TMPRSS15: variants seen among roughly 807,000 people sequenced by gnomAD.
The protein encoded by TMPRSS15 is enteropeptidase.
Under a neutral mutation model 125.3 loss-of-function variants are expected in TMPRSS15, and 128 were observed. The observed-to-expected ratio is 1.02, with a 90% CI of 0.89 to 1.18. The LOEUF (loss-of-function observed/expected upper bound fraction) is 1.18. TMPRSS15 is among the 50% of genes most tolerant of loss of function. The probability of loss-of-function intolerance (pLI) is 0.00; values close to 1 mark genes in which losing one functional copy is unlikely to be tolerated. For synonymous variants in TMPRSS15, 446 were observed against 423.2 expected (o/e 1.05, Z -0.66); for missense variants, 1,283 against 1,212.7 (o/e 1.06, Z -0.86).
chr21:18,408,788 C>T (rs1032889513), intron 1 of TMPRSS15, among the ~76,000 whole-genome samples: 1 of 152,054 alleles, frequency 6.6e-6, no homozygotes, highest in African/African-American at 2.4e-5. Context: ...TTAAGTACTG[C>T]AATCTAAGAG....
chr21:18,313,347 C>CTATA (rs1244391395), intron 17 of TMPRSS15, among the ~76,000 whole-genome samples: 16 of 138,340 alleles, frequency 1.2e-4, no homozygotes, highest in Admixed American at 3.0e-4. Flanking sequence ...CTCTCTCTCT[C>CTATA]TCTATATATA....
chr21:18,343,944 C>G lies in TMPRSS15; in HGVS notation c.1277+11G>C. ...AAAAAGACAGCGTTTAAACAGGTGT[C>G]TACAACATACCAGAAACTAAGGCAA... On this transcript the variant is annotated intron_variant, in intron 11 of 24. Transcript: ENST00000284885. 6.2e-7 allele frequency: 1 copy of G among 1,612,096 alleles called. No individual in the cohort carries two copies. The highest frequency in any genetic ancestry group is 1.1e-5 in the South Asian group (1 of 91,032).
chr21:18,400,301 C>A (rs1349389815), intron 1 of TMPRSS15, among the ~76,000 whole-genome samples: 1 of 152,096 alleles, frequency 6.6e-6, no homozygotes, highest in African/African-American at 2.4e-5. Flanking sequence ...AAGTCAGAGG[C>A]ATCACATTAC....
chr21:18,299,335 TAAG>T (rs1407900729), intron 18 of TMPRSS15, among the ~76,000 whole-genome samples: 2 of 152,230 alleles, frequency 1.3e-5, no homozygotes, highest in Non-Finnish European at 2.9e-5. Flanking sequence ...CACTTGTATT[TAAG>T]GACTCACACA....
chr21:18,305,195 T>TTTTTTC (rs2146920988), intron 18 of TMPRSS15, among the ~76,000 whole-genome samples: 1 of 139,452 alleles, frequency 7.2e-6, no homozygotes, highest in African/African-American at 2.7e-5. Flanking sequence ...TTTTTTTTTT[T>TTTTTTC]TTTTTTTTTT....
intron 1 of TMPRSS15, among the ~76,000 whole-genome samples, chr21:18,432,382 T>C (rs1237398727): frequency 6.6e-6 from 1 of 152,168 alleles, no homozygotes; most frequent in East Asian, 1.9e-4. Context: ...AGGGTTGAAT[T>C]GTGCCTTGCC....
Position 18,332,075 on chromosome 21 carries a change from A to G in TMPRSS15, c.1654+9T>C, listed in dbSNP as rs759818398. 7.5e-6 allele frequency: 12 copies of G among 1,610,612 alleles called. No individual in the cohort carries two copies. Among genetic ancestry groups the G allele is most frequent in the Non-Finnish European group, 8.5e-6 (10 of 1,176,840 alleles). Reference sequence around the variant, plus strand: ...TTGTTTCTGATGACCTGGAAAAGAAATGACTCACAGAAAGCCAGATTAGGG... The same window carrying G: ...TTGTTTCTGATGACCTGGAAAAGAAGTGACTCACAGAAAGCCAGATTAGGG... On this transcript the variant is annotated intron_variant, in intron 14 of 24. Transcript: ENST00000284885.
At chr21:18,395,100 A>G (rs1002082686) in intron 3 of TMPRSS15, among the ~76,000 whole-genome samples, 3 of 152,222 alleles carry the variant, frequency 2.0e-5, no homozygotes, top group Non-Finnish European at 2.9e-5. Context: ...AAGGAAAACT[A>G]AAGGTGGAAG....
At chr21:18,330,379 C>T (rs2075332821) in intron 14 of TMPRSS15, among the ~76,000 whole-genome samples, 1 of 152,174 alleles carries the variant, frequency 6.6e-6, no homozygotes, top group Non-Finnish European at 1.5e-5. Flanking sequence ...CATTCAAAGA[C>T]TCTCCAGTGC....
intron 13 of TMPRSS15, among the ~76,000 whole-genome samples, chr21:18,333,708 C>T (rs936418018): frequency 2.0e-5 from 3 of 151,998 alleles, no homozygotes; most frequent in South Asian, 2.1e-4. Context: ...CAGGTTGAGA[C>T]GGGTAATGAT....
intron 1 of TMPRSS15, among the ~76,000 whole-genome samples, chr21:18,460,192 G>A (rs1978526014): frequency 6.6e-6 from 1 of 152,046 alleles, no homozygotes; most frequent in Admixed American, 6.5e-5. Context: ...GAGCAATATG[G>A]AAAATGAGTT....
chr21:18,322,506 A>T (rs2075249273), intron 16 of TMPRSS15, among the ~76,000 whole-genome samples: 1 of 152,174 alleles, frequency 6.6e-6, no homozygotes, highest in Non-Finnish European at 1.5e-5. Context: ...AAAGAGAGAG[A>T]GAAAATGGTA....
intron 10 of TMPRSS15, among the ~76,000 whole-genome samples, chr21:18,348,460 T>G (rs2075532089): frequency 6.6e-6 from 1 of 152,208 alleles, no homozygotes; most frequent in Non-Finnish European, 1.5e-5. Context: ...GGAAATAGGC[T>G]GATGCAAATT....
intron 6 of TMPRSS15, among the ~76,000 whole-genome samples, chr21:18,366,402 C>T (rs1324483113): frequency 2.0e-5 from 3 of 152,106 alleles, no homozygotes; most frequent in Non-Finnish European, 4.4e-5. Flanking sequence ...AAGCCTTTTG[C>T]TTTCCATAAT....
intron 1 of TMPRSS15, among the ~76,000 whole-genome samples, chr21:18,413,376 C>T (rs1052972146): frequency 2.4e-4 from 31 of 127,662 alleles, no homozygotes; most frequent in Admixed American, 2.4e-3. Context: ...TTCCTTCCTT[C>T]CTTTCTTTCT....
intron 18 of TMPRSS15, among the ~76,000 whole-genome samples, chr21:18,299,900 G>C (rs1379576872): frequency 6.6e-6 from 1 of 152,186 alleles, no homozygotes; most frequent in Non-Finnish European, 1.5e-5. Context: ...GGTGATCCTG[G>C]TGCCTGCTAC....
chr21:18,419,093 T>C (rs926884383), intron 1 of TMPRSS15, among the ~76,000 whole-genome samples: 11 of 152,204 alleles, frequency 7.2e-5, no homozygotes, highest in African/African-American at 2.2e-4. Flanking sequence ...TTTTATCTAA[T>C]AGTTGCTGAA....
chr21:18,302,296 T>C (rs1433411491), intron 18 of TMPRSS15, among the ~76,000 whole-genome samples: 1 of 152,032 alleles, frequency 6.6e-6, no homozygotes, highest in African/African-American at 2.4e-5. Context: ...AAGAAGGGGA[T>C]TGATTTAGCA....
At chr21:18,441,644 T>A (rs890611682) in intron 1 of TMPRSS15, among the ~76,000 whole-genome samples, 3 of 146,772 alleles carry the variant, frequency 2.0e-5, no homozygotes, top group African/African-American at 5.0e-5. Context: ...GAAAAGAAGA[T>A]TGTCAACTTT....
Sources: allele counts gnomAD v4.1 joint callset (sites outside exome capture counted in the v4.1 genomes callset), GRCh38; gene constraint gnomAD v4.1.1; transcripts MANE v1.5; gene names NCBI Gene and HGNC (gene_info 2026-07-23, HGNC 2026-07-21).